DENND11: variants seen among roughly 807,000 people sequenced by gnomAD.
DENND11 encodes DENN domain containing 11.
DENND11 carries 34 observed loss-of-function variants against 49.2 expected under a neutral mutation model. The observed-to-expected ratio is 0.69, with a 90% CI of 0.53 to 0.92. The LOEUF is 0.92. Ranked by LOEUF, DENND11 falls within the 40% of genes least tolerant of loss-of-function variation. The pLI is 0.00. For missense variants in DENND11, 475 were observed against 581.6 expected (o/e 0.82, Z 1.88); for synonymous variants, 238 against 230.3 (o/e 1.03, Z -0.30).
intron 1 of DENND11, among the ~76,000 whole-genome samples, chr7:141,690,108 T>C (rs181491485): frequency 6.6e-6 from 1 of 152,346 alleles, no homozygotes; most frequent in East Asian, 1.9e-4. Flanking sequence ...AGCCACGTTA[T>C]GTTTGCATCT....
intron 4 of DENND11, among the ~76,000 whole-genome samples, chr7:141,667,284 G>A (rs578229087): frequency 1.3e-5 from 2 of 150,982 alleles, no homozygotes; most frequent in South Asian, 2.1e-4. Flanking sequence ...CTGAGCCAAG[G>A]AGTATCATAG....
chr7:141,675,738 T>C (rs932407943), intron 3 of DENND11, among the ~76,000 whole-genome samples: 7 of 152,196 alleles, frequency 4.6e-5, no homozygotes, highest in Non-Finnish European at 8.8e-5. Context: ...TTTACAGCTC[T>C]TATGTCAAAG....
At chr7:141,665,770 C>T (rs964880668) in intron 5 of DENND11, among the ~76,000 whole-genome samples, 1 of 152,022 alleles carries the variant, frequency 6.6e-6, no homozygotes, top group African/African-American at 2.4e-5. Flanking sequence ...TAATCTACCA[C>T]CCTCAAATCT....
chr7:141,695,901 G>A (rs945722068), intron 1 of DENND11, among the ~76,000 whole-genome samples: 1 of 152,206 alleles, frequency 6.6e-6, no homozygotes, highest in Non-Finnish European at 1.5e-5. Context: ...GACCACGGGA[G>A]GCACAAATGT....
At chr7:141,696,702 G>A (rs1003637618) in intron 1 of DENND11, among the ~76,000 whole-genome samples, 3 of 152,142 alleles carry the variant, frequency 2.0e-5, no homozygotes, top group African/African-American at 7.2e-5. Context: ...AGGAATAAAG[G>A]CATGAATCAA....
intron 1 of DENND11, among the ~76,000 whole-genome samples, chr7:141,689,027 G>A (rs1245088811): frequency 6.6e-6 from 1 of 152,062 alleles, no homozygotes; most frequent in Non-Finnish European, 1.5e-5. Context: ...CACACATTAC[G>A]GGGTTCAGCT....
At chr7:141,693,753 T>C (rs1254797819) in intron 1 of DENND11, among the ~76,000 whole-genome samples, 3 of 152,214 alleles carry the variant, frequency 2.0e-5, no homozygotes, top group Non-Finnish European at 4.4e-5. Context: ...AAAGGCTACA[T>C]ACTATATGAT....
intron 3 of DENND11, among the ~76,000 whole-genome samples, chr7:141,678,624 T>A (rs1798104022): frequency 6.6e-6 from 1 of 152,244 alleles, no homozygotes; most frequent in African/African-American, 2.4e-5. Context: ...CTAGAATGTC[T>A]TAAAGAAAAT....
chr7:141,683,475 C>G (rs577025278), intron 3 of DENND11, among the ~76,000 whole-genome samples: 3 of 151,876 alleles, frequency 2.0e-5, no homozygotes, highest in Admixed American at 6.6e-5. Flanking sequence ...CCCGTCTCTA[C>G]TAAAAAAAAA....
intron 1 of DENND11, among the ~76,000 whole-genome samples, chr7:141,694,419 C>T (rs989599577): frequency 3.3e-5 from 5 of 151,964 alleles, no homozygotes; most frequent in African/African-American, 7.3e-5. Context: ...CGCCACCATG[C>T]CGGGCTAATT....
chr7:141,672,142 C>T (rs1314052256), intron 4 of DENND11, among the ~76,000 whole-genome samples: 1 of 152,210 alleles, frequency 6.6e-6, no homozygotes, highest in Non-Finnish European at 1.5e-5. Flanking sequence ...GCGATCTGAG[C>T]ACTGGCTGTG....
intron 3 of DENND11, among the ~76,000 whole-genome samples, chr7:141,677,367 G>T (rs1440991396): frequency 2.1e-5 from 3 of 146,336 alleles, no homozygotes; most frequent in African/African-American, 7.6e-5. Flanking sequence ...TCCAGCCTGG[G>T]TGACAGAGCG....
intron 1 of DENND11, among the ~76,000 whole-genome samples, chr7:141,692,609 C>A (rs1435365361): frequency 6.6e-6 from 1 of 152,094 alleles, no homozygotes; most frequent in Admixed American, 6.5e-5. Flanking sequence ...TACTTTACCC[C>A]TTTCACAAAA....
Position 141,657,005 on chromosome 7 carries a change from T to C in DENND11, c.*5651A>G, listed in dbSNP as rs1797706131. The C allele has an allele frequency of 6.6e-6, 1 of 152,658 alleles. No homozygotes were observed. Among genetic ancestry groups the C allele is most frequent in the South Asian group, 2.1e-4 (1 of 4,838 alleles). The allele number at this position is 152,658 out of a possible 1,614,324, so 9.5% of individuals were successfully genotyped here. A position where few individuals can be genotyped will look rare whatever the true frequency, so the allele number is the denominator to read the frequency against. On this transcript the variant is annotated 3_prime_UTR_variant, in exon 9 of 9. Transcript: ENST00000536163. ...TCAGGGCAAAATCTATGCAGTGTCT[T>C]ACTAATTTCATACTATGAGGTAAAG...
intron 1 of DENND11, among the ~76,000 whole-genome samples, chr7:141,691,626 G>T (rs1316174137): frequency 6.6e-6 from 1 of 152,216 alleles, no homozygotes; most frequent in Admixed American, 6.5e-5. Context: ...GGGTTGGGAA[G>T]AAAGGTCCAT....
chr7:141,677,776 CA>C (rs1374040671), intron 3 of DENND11, among the ~76,000 whole-genome samples: 1 of 151,400 alleles, frequency 6.6e-6, no homozygotes. Context: ...CTGATGTTCA[CA>C]GGGGTGAAAA....
At chr7:141,691,267 G>A (rs1261102716) in intron 1 of DENND11, among the ~76,000 whole-genome samples, 2 of 152,218 alleles carry the variant, frequency 1.3e-5, no homozygotes, top group African/African-American at 2.4e-5. Flanking sequence ...AGGGGATGCT[G>A]GAGCCATTGG....
At chr7:141,698,585 T>C (rs904873199) in intron 1 of DENND11, among the ~76,000 whole-genome samples, 7 of 152,216 alleles carry the variant, frequency 4.6e-5, no homozygotes, top group African/African-American at 1.7e-4. Context: ...TCCATGAGTC[T>C]GATGGAAATA....
chr7:141,699,205 C>A (rs1798465897), intron 1 of DENND11, among the ~76,000 whole-genome samples: 1 of 152,082 alleles, frequency 6.6e-6, no homozygotes, highest in Non-Finnish European at 1.5e-5. Flanking sequence ...TAAATAGGAA[C>A]AAATAGCAGA....
Sources: gnomAD v4.1 joint callset for allele counts (sites outside exome capture counted in the v4.1 genomes callset) on GRCh38, gnomAD v4.1.1 for gene constraint, MANE v1.5 for transcripts, NCBI Gene and HGNC (gene_info 2026-07-23, HGNC 2026-07-21) for gene names.